Variants in YWHAE observed in about 807,000 individuals in gnomAD.
YWHAE encodes the protein 14-3-3 protein epsilon.
In YWHAE, 4 loss-of-function variants were observed where a neutral mutation model predicts 30.1. That is an observed-to-expected ratio of 0.13 (90% CI 0.07 to 0.30). YWHAE has a LOEUF of 0.30. Among genes scored for constraint, YWHAE ranks in the 10% least tolerant of loss-of-function variants. YWHAE has a pLI of 1.00. For synonymous variants in YWHAE, 118 were observed against 111.8 expected (o/e 1.06, Z -0.35); for missense variants, 121 against 315.9 (o/e 0.38, Z 4.68).
chr17:1,387,671 G>A (rs899557962), intron 1 of YWHAE, among the ~76,000 whole-genome samples: 1 of 152,066 alleles, frequency 6.6e-6, no homozygotes, highest in African/African-American at 2.4e-5. Context: ...TCCCAGGCTG[G>A]AGTGCAGTGC....
Position 1,365,064 on chromosome 17 carries a change from T to C in YWHAE, c.65-6A>G, listed in dbSNP as rs780097016. 1.2e-6 allele frequency: 2 copies of C among 1,613,300 alleles called. No individual in the cohort carries two copies. Among genetic ancestry groups the C allele is most frequent in the Non-Finnish European group, 1.7e-6 (2 of 1,179,826 alleles). ...CTTCATTGACTCCACCATTTCTGTA[T>C]GGGAAAAGGAAAAGTCAGACCTTAC... On this transcript the variant is annotated splice_region_variant and splice_polypyrimidine_tract_variant and intron_variant, in intron 1 of 5. Coordinates refer to ENST00000264335, the MANE Select transcript of YWHAE (RefSeq NM_006761.5).
intron 1 of YWHAE, among the ~76,000 whole-genome samples, chr17:1,365,617 A>G (rs2072929901): frequency 6.6e-6 from 1 of 152,182 alleles, no homozygotes; most frequent in Non-Finnish European, 1.5e-5. Flanking sequence ...CTAGGTGGCG[A>G]GCAAAGAAAG....
chr17:1,364,458 C>T (rs1328845724), intron 2 of YWHAE, among the ~76,000 whole-genome samples: 1 of 152,078 alleles, frequency 6.6e-6, no homozygotes, highest in Non-Finnish European at 1.5e-5. Context: ...GATCTCCTGA[C>T]CTCGTGATCC....
chr17:1,393,725 AC>A (rs746946125), intron 1 of YWHAE, among the ~76,000 whole-genome samples: 1 of 151,876 alleles, frequency 6.6e-6, no homozygotes, highest in African/African-American at 2.4e-5. Context: ...GAGCCGCGGA[AC>A]CCGGCTGGGG....
At chr17:1,384,521 C>G (rs1012277368) in intron 1 of YWHAE, among the ~76,000 whole-genome samples, 8 of 109,488 alleles carry the variant, frequency 7.3e-5, no homozygotes, top group Admixed American at 6.1e-4. Context: ...GAAACCCTGT[C>G]TCTACTAAAA....
At chr17:1,355,789 C>G (rs1050307574) in intron 4 of YWHAE, among the ~76,000 whole-genome samples, 1 of 152,132 alleles carries the variant, frequency 6.6e-6, no homozygotes, top group African/African-American at 2.4e-5. Flanking sequence ...AATCAGCACA[C>G]TTTGGGTGGC....
At chr17:1,379,893 G>C (rs1416962795) in intron 1 of YWHAE, among the ~76,000 whole-genome samples, 3 of 152,166 alleles carry the variant, frequency 2.0e-5, no homozygotes, top group Non-Finnish European at 1.5e-5. Flanking sequence ...GAAAGAACCA[G>C]AATGCTGTAA....
intron 1 of YWHAE, 110 bp downstream of exon 1, chr17:1,399,937 C>T: frequency 7.2e-7 from 1 of 1,392,508 alleles, no homozygotes; most frequent in South Asian, 1.2e-5. Flanking sequence ...AACCCAAGCC[C>T]CCGGGCCAGG....
chr17:1,366,223 AT>A (rs1453367119), intron 1 of YWHAE, among the ~76,000 whole-genome samples: 2 of 151,248 alleles, frequency 1.3e-5, no homozygotes, highest in Admixed American at 1.3e-4. Context: ...AAAAAAAAAA[AT>A]AGAATAAATA....
At chr17:1,393,336 AAAAAGAT>A (rs2073417337) in intron 1 of YWHAE, among the ~76,000 whole-genome samples, 1 of 151,080 alleles carries the variant, frequency 6.6e-6, no homozygotes, top group East Asian at 1.9e-4. Context: ...AAAAAAAAGG[AAAAAGAT>A]AAAAGTGAGA....
chr17:1,393,061 C>G (rs2073412279), intron 1 of YWHAE, among the ~76,000 whole-genome samples: 1 of 151,630 alleles, frequency 6.6e-6, no homozygotes, highest in South Asian at 2.1e-4. Flanking sequence ...AAGAAATTAG[C>G]TGGGAGTGGT....
chr17:1,391,006 A>C (rs1305106898), intron 1 of YWHAE, among the ~76,000 whole-genome samples: 1 of 152,220 alleles, frequency 6.6e-6, no homozygotes, highest in Non-Finnish European at 1.5e-5. Context: ...ACACTTGTAA[A>C]AATAAAAAAA....
At chr17:1,371,303 T>C (rs1455621961) in intron 1 of YWHAE, among the ~76,000 whole-genome samples, 1 of 152,148 alleles carries the variant, frequency 6.6e-6, no homozygotes, top group East Asian at 1.9e-4. Context: ...CAGGCTGGTC[T>C]TGAACTCTTG....
intron 1 of YWHAE, among the ~76,000 whole-genome samples, chr17:1,382,986 C>T (rs140731012): frequency 6.6e-6 from 1 of 150,496 alleles, no homozygotes; most frequent in African/African-American, 2.4e-5. Context: ...CCTCATGCCA[C>T]TGCACTCCAG....
chr17:1,368,475 A>T (rs1171889090), intron 1 of YWHAE, among the ~76,000 whole-genome samples: 1 of 151,804 alleles, frequency 6.6e-6, no homozygotes, highest in African/African-American at 2.4e-5. Flanking sequence ...GAGGCAGGGG[A>T]ATCGCTTGAA....
intron 1 of YWHAE, among the ~76,000 whole-genome samples, chr17:1,387,924 CTTTTTTT>C (rs35930155): frequency 1.7e-4 from 13 of 75,718 alleles, no homozygotes; most frequent in African/African-American, 5.0e-4. Flanking sequence ...CTGCACCTGG[CTTTTTTT>C]TTTTTTTTTT....
chr17:1,348,315 A>T (rs1299248579), intron 5 of YWHAE, among the ~76,000 whole-genome samples: 1 of 152,190 alleles, frequency 6.6e-6, no homozygotes, highest in Non-Finnish European at 1.5e-5. Flanking sequence ...TGTATTTCCT[A>T]CCTATGGATT....
chr17:1,359,586 C>A (rs1307884713), intron 4 of YWHAE, among the ~76,000 whole-genome samples: 1 of 151,784 alleles, frequency 6.6e-6, no homozygotes, highest in Non-Finnish European at 1.5e-5. Context: ...GAAATAAAGA[C>A]AGCCACAAAA....
intron 1 of YWHAE, among the ~76,000 whole-genome samples, chr17:1,377,898 A>C (rs2073148126): frequency 6.6e-6 from 1 of 151,998 alleles, no homozygotes; most frequent in Non-Finnish European, 1.5e-5. Context: ...AAAATACAAA[A>C]ATTAGCTGGG....
Sources: allele counts gnomAD v4.1 joint callset (sites outside exome capture counted in the v4.1 genomes callset), GRCh38; gene constraint gnomAD v4.1.1; transcripts MANE v1.5; gene names NCBI Gene and HGNC (gene_info 2026-07-23, HGNC 2026-07-21).